Variants in FAM13A observed in about 807,000 individuals in gnomAD.
FAM13A encodes the protein protein FAM13A.
FAM13A carries 76 observed loss-of-function variants against 129.6 expected under a neutral mutation model. The ratio of observed to expected loss-of-function variants is 0.59; its 90% confidence interval spans 0.49 to 0.71. FAM13A has a LOEUF of 0.71. Among genes scored for constraint, FAM13A ranks in the 30% least tolerant of loss-of-function variants. The pLI, the probability that FAM13A is intolerant of heterozygous loss-of-function variation, is 0.00. For synonymous variants in FAM13A, 443 were observed against 449.9 expected (o/e 0.98, Z 0.20); for missense variants, 1,108 against 1,249.3 (o/e 0.89, Z 1.70).
intron 20 of FAM13A, among the ~76,000 whole-genome samples, chr4:88,737,813 G>A (rs1341892186): frequency 2.0e-5 from 3 of 152,090 alleles, no homozygotes; most frequent in Non-Finnish European, 2.9e-5. Context: ...CGGCAGACAC[G>A]CAGAAGAAAC....
chr4:88,880,797 G>GGGGGGC (rs1743427213), intron 6 of FAM13A, among the ~76,000 whole-genome samples: 1 of 84,030 alleles, frequency 1.2e-5, no homozygotes, highest in African/African-American at 4.5e-5. Flanking sequence ...GGGGGGGGGG[G>GGGGGGC]CACAGTGGGA....
intron 3 of FAM13A, among the ~76,000 whole-genome samples, chr4:89,016,506 A>C (rs926664499): frequency 6.6e-6 from 1 of 152,108 alleles, no homozygotes; most frequent in Admixed American, 6.5e-5. Context: ...TTCACTCACC[A>C]CTCACTCACT....
Position 88,758,816 on chromosome 4 carries a change from C to T in FAM13A, c.1664G>A (p.Ser555Asn), listed in dbSNP as rs771304974. Reference protein sequence around the residue: ...RNQDAGDQEESFVSEVPQSDL... With the variant: ...RNQDAGDQEENFVSEVPQSDL... ...CGACTGGGGCACTTCGGAGACAAAGCTCTCCTCCTGGTCACCGGCATCTTG... is the reference window on the plus strand; with the variant it reads ...CGACTGGGGCACTTCGGAGACAAAGTTCTCCTCCTGGTCACCGGCATCTTG... The change falls in exon 14 of 24, where the codon AGC becomes AAC. Residue 555 changes from serine to asparagine, a missense_variant. Ser to Asn is a conservative substitution (Grantham distance 46). Coordinates refer to ENST00000264344, the MANE Select transcript of FAM13A (RefSeq NM_014883.4). The T allele has an allele frequency of 1.9e-6, 3 of 1,614,056 alleles. No individual in the cohort carries two copies. Among genetic ancestry groups the T allele is most frequent in the Non-Finnish European group, 2.5e-6 (3 of 1,179,942 alleles).
At chr4:88,760,936 C>T (rs896234346) in intron 13 of FAM13A, among the ~76,000 whole-genome samples, 1 of 152,010 alleles carries the variant, frequency 6.6e-6, no homozygotes, top group Admixed American at 6.6e-5. Context: ...ATGCTTATTA[C>T]CTTTACAGAC....
intron 4 of FAM13A, among the ~76,000 whole-genome samples, chr4:88,960,961 A>C (rs1758520213): frequency 6.6e-6 from 1 of 152,240 alleles, no homozygotes; most frequent in Non-Finnish European, 1.5e-5. Flanking sequence ...CTCCTTAAGA[A>C]GCACAGAAAG....
At chr4:88,733,925 G>A (rs1324115062) in intron 21 of FAM13A, among the ~76,000 whole-genome samples, 2 of 152,224 alleles carry the variant, frequency 1.3e-5, no homozygotes, top group Non-Finnish European at 2.9e-5. Flanking sequence ...GTGTGGAAGT[G>A]TGCCTTGCAC....
chr4:88,751,477 C>G (rs910240359), intron 14 of FAM13A, among the ~76,000 whole-genome samples: 2 of 152,158 alleles, frequency 1.3e-5, no homozygotes, highest in African/African-American at 4.8e-5. Context: ...ATTTAAGATG[C>G]ATGCTTTGCA....
intron 6 of FAM13A, among the ~76,000 whole-genome samples, chr4:88,862,260 G>A (rs1310276571): frequency 6.6e-6 from 1 of 152,180 alleles, no homozygotes; most frequent in South Asian, 2.1e-4. Context: ...TATATACAAT[G>A]CTATTTGAGA....
chr4:89,016,106 C>A (rs1163280897), intron 3 of FAM13A, among the ~76,000 whole-genome samples: 1 of 150,044 alleles, frequency 6.7e-6, no homozygotes, highest in Non-Finnish European at 1.5e-5. Flanking sequence ...TCCATTGGAA[C>A]AAGATATGGA....
At chr4:88,753,268 A>G (rs896311239) in intron 14 of FAM13A, among the ~76,000 whole-genome samples, 2 of 152,240 alleles carry the variant, frequency 1.3e-5, no homozygotes, top group Non-Finnish European at 2.9e-5. Context: ...CTAATCATGG[A>G]ACTGAATAAT....
chr4:88,812,436 G>T (rs1351960124), intron 7 of FAM13A, among the ~76,000 whole-genome samples: 1 of 152,048 alleles, frequency 6.6e-6, no homozygotes, highest in Admixed American at 6.6e-5. Context: ...GCCTAAATCT[G>T]GCACATGAAG....
intron 15 of FAM13A, among the ~76,000 whole-genome samples, chr4:88,750,165 C>T (rs966077819): frequency 2.0e-5 from 3 of 152,182 alleles, no homozygotes; most frequent in African/African-American, 7.2e-5. Context: ...TCAACCTTTC[C>T]TGTGGGCCTA....
chr4:88,736,538 T>C (rs1407777016), intron 21 of FAM13A: 2 of 152,222 alleles, frequency 1.3e-5, no homozygotes, highest in African/African-American at 4.8e-5. Context: ...GGTTTAACTC[T>C]TGCTTTGGAG....
At chr4:89,003,363 C>G (rs1764544607) in intron 3 of FAM13A, among the ~76,000 whole-genome samples, 1 of 151,482 alleles carries the variant, frequency 6.6e-6, no homozygotes, top group Admixed American at 6.6e-5. Context: ...GTAATCCCAG[C>G]ACTTTGGGAG....
At chr4:89,035,794 T>G (rs754412527) in intron 1 of FAM13A, among the ~76,000 whole-genome samples, 3 of 152,196 alleles carry the variant, frequency 2.0e-5, no homozygotes, top group Non-Finnish European at 4.4e-5. Flanking sequence ...ATGCTTATTT[T>G]TCCTTTGCCT....
rs75145522 is a variant in FAM13A at position 88,965,262 on chromosome 4, G to T, written c.605+25711C>A. Among the ~76,000 whole-genome samples, 773 of 152,324 alleles carry T rather than the reference G, an allele frequency of 5.1e-3. 2 individuals carry two copies. The highest frequency in any genetic ancestry group is 8.2e-3 in the Non-Finnish European group (555 of 68,026). On this transcript the variant is annotated intron_variant, in intron 4 of 23. Transcript: ENST00000264344. ...GGAAAGGCATCTGCTGATTACTCAT[G>T]AACTATATAAGGTGATCCAAAGTAG...
chr4:88,874,622 T>C lies in FAM13A; in HGVS notation c.844-23439A>G, dbSNP rs1032859288. Among the ~76,000 whole-genome samples, 12 of 152,106 alleles carry C rather than the reference T, an allele frequency of 7.9e-5. 1 individual carries two copies. In the South Asian group the frequency reaches 2.3e-3, roughly 29 times the overall value. ...CTTTTCAAGGAGAACTACAAATCAC[T>C]GCTGAATGAAATAAAAGAAGACACA... is the stretch of plus-strand genomic sequence containing the variant. On this transcript the variant is annotated intron_variant, in intron 6 of 23. Transcript: ENST00000264344.
At chr4:89,038,878 A>G (rs1769740270) in intron 1 of FAM13A, among the ~76,000 whole-genome samples, 2 of 152,214 alleles carry the variant, frequency 1.3e-5, no homozygotes, top group African/African-American at 4.8e-5. Context: ...TCATAGTGTC[A>G]AAAAGATTAC....
At chr4:88,869,847 G>A (rs980350716) in intron 6 of FAM13A, among the ~76,000 whole-genome samples, 6 of 152,274 alleles carry the variant, frequency 3.9e-5, no homozygotes, top group Admixed American at 1.3e-4. Flanking sequence ...AGACATGACT[G>A]CATGAAAAGA....
Sources: gnomAD v4.1 joint callset for allele counts (sites outside exome capture counted in the v4.1 genomes callset) on GRCh38, gnomAD v4.1.1 for gene constraint, MANE v1.5 for transcripts, NCBI Gene and HGNC (gene_info 2026-07-23, HGNC 2026-07-21) for gene names.